The following SMARCAL1 variants were observed in gnomAD, a reference collection of about 807,000 sequenced individuals.
The protein encoded by SMARCAL1 is ATP-driven annealing helicase.
A neutral mutation model predicts 94.5 loss-of-function variants in SMARCAL1; 58 were observed. That is an observed-to-expected ratio of 0.61 (90% CI 0.50 to 0.76). The LOEUF is 0.76. Ranked by LOEUF, SMARCAL1 falls within the 30% of genes least tolerant of loss-of-function variation. SMARCAL1 has a pLI of 0.00. For synonymous variants in SMARCAL1, 422 were observed against 455.1 expected, an observed-to-expected ratio of 0.93 and a Z score of 0.93; for missense variants, 1,051 against 1,177.9, an observed-to-expected ratio of 0.89 and a Z score of 1.58.
intron 13 of SMARCAL1, among the ~76,000 whole-genome samples, chr2:216,467,734 C>T (rs1694860004): frequency 6.6e-6 from 1 of 152,070 alleles, no homozygotes; most frequent in Non-Finnish European, 1.5e-5. Flanking sequence ...GTCATTAATT[C>T]CTTAGTCCCC....
intron 13 of SMARCAL1, among the ~76,000 whole-genome samples, chr2:216,467,239 G>C (rs1418213461): frequency 1.3e-5 from 2 of 152,158 alleles, no homozygotes; most frequent in African/African-American, 4.8e-5. Flanking sequence ...GGGAGGCCAA[G>C]GTGGGCAAAT....
chr2:216,471,836 A>T (rs1214858161), intron 14 of SMARCAL1, among the ~76,000 whole-genome samples: 2 of 152,352 alleles, frequency 1.3e-5, no homozygotes, highest in South Asian at 2.1e-4. Context: ...CAATAATTAA[A>T]AATCTAAGTT....
At chr2:216,433,314 G>A (rs927950747) in intron 8 of SMARCAL1, among the ~76,000 whole-genome samples, 4 of 152,012 alleles carry the variant, frequency 2.6e-5, no homozygotes, top group Non-Finnish European at 4.4e-5. Context: ...AAACTCCTGG[G>A]TTCAAGTGAT....
chr2:216,415,339 A>C lies in SMARCAL1; in HGVS notation c.635A>C (p.Glu212Ala), dbSNP rs765946032. Residue 212 changes from glutamate to alanine, a missense_variant, in exon 3 of 18, where the codon GAG becomes GCG. Transcript: ENST00000357276. ...QNISYIHSSS[E>A]SVTPRTEGRL... ...ATTTCTTACATCCATTCTAGCTCAG[A>C]GAGTGTAACGCCCAGGACAGAAGGA... is the stretch of plus-strand genomic sequence containing the variant. The C allele has an allele frequency of 6.2e-7, 1 of 1,614,268 alleles. No individual in the cohort carries two copies. The highest frequency in any genetic ancestry group is 8.5e-7 in the Non-Finnish European group (1 of 1,180,052).
chr2:216,473,443 T>C (rs2106083780), intron 14 of SMARCAL1, among the ~76,000 whole-genome samples: 1 of 152,094 alleles, frequency 6.6e-6, no homozygotes, highest in South Asian at 2.1e-4. Context: ...CATCCCATTG[T>C]ACATCATCTG....
At chr2:216,470,716 G>C (rs1319769739) in intron 14 of SMARCAL1, among the ~76,000 whole-genome samples, 4 of 151,658 alleles carry the variant, frequency 2.6e-5, no homozygotes, top group Non-Finnish European at 5.9e-5. Context: ...CTAGAACTGG[G>C]CTCAAGCAAT....
Position 216,482,603 on chromosome 2 carries a change from C to A in SMARCAL1, c.2626-135C>A. 1.6e-6 allele frequency: 2 copies of A among 1,238,496 alleles called. No individual in the cohort carries two copies. Among genetic ancestry groups the A allele is most frequent in the East Asian group, 2.3e-5 (1 of 43,120 alleles). 76.7% of individuals were successfully genotyped at this position (1,238,496 alleles called of 1,614,324 possible). A position where few individuals can be genotyped will look rare whatever the true frequency, so the allele number is the denominator to read the frequency against. ...GGTTTGCTGAGATGATGCACACTTGCCATCGTGTAGCTCCCTGACACCATG... is the reference window on the plus strand; with the variant it reads ...GGTTTGCTGAGATGATGCACACTTGACATCGTGTAGCTCCCTGACACCATG... On this transcript the variant is annotated intron_variant, in intron 17 of 17. Transcript: ENST00000357276. This position sits in a 1 kb window ranked among gnomAD's most constrained non-coding sequence, Gnocchi z 4.3.
chr2:216,420,663 C>T (rs1029310876), intron 5 of SMARCAL1, 131 bp downstream of exon 5: 5 of 751,118 alleles, frequency 6.7e-6, no homozygotes, highest in Non-Finnish European at 1.2e-5. Context: ...GCTCCTCTTC[C>T]TATAGAAAGA....
At chr2:216,460,904 A>G (rs1438034161) in intron 12 of SMARCAL1, among the ~76,000 whole-genome samples, 1 of 152,208 alleles carries the variant, frequency 6.6e-6, no homozygotes, top group Non-Finnish European at 1.5e-5. Context: ...AACTGTATGT[A>G]ATATTTTTGG....
chr2:216,480,250 T>C (rs1485698958), intron 17 of SMARCAL1, among the ~76,000 whole-genome samples: 1 of 152,200 alleles, frequency 6.6e-6, no homozygotes, highest in Admixed American at 6.5e-5. Flanking sequence ...GCTGAAAATT[T>C]TATCAACTAC....
chr2:216,439,324 T>TG lies in SMARCAL1; in HGVS notation c.1710+850dup, dbSNP rs3836031. Among the ~76,000 whole-genome samples, 392 of 150,564 alleles carry TG rather than the reference T, an allele frequency of 2.6e-3. 2 individuals carry two copies. The highest frequency in any genetic ancestry group is 0.01 in the Middle Eastern group (3 of 294). On this transcript the variant is annotated intron_variant, in intron 10 of 17. Transcript: ENST00000357276. ...TAGTCCTCCAAATTTCCTTCCATTA[T>TG]GGGGGGGGGGGATGATTTTTTTCCT...
At chr2:216,464,493 C>T (rs139599525) in intron 12 of SMARCAL1, 104 bp from the exon 13 acceptor site, 40 of 872,340 alleles carry the variant, frequency 4.6e-5, no homozygotes, top group East Asian at 3.4e-4. Context: ...ACTCTGGTGA[C>T]GGGTGGTTGA....
At chr2:216,413,091 C>G (rs1357509937) in intron 1 of SMARCAL1, among the ~76,000 whole-genome samples, 1 of 140,108 alleles carries the variant, frequency 7.1e-6, no homozygotes, top group Non-Finnish European at 1.5e-5. Flanking sequence ...TCACCCCTTC[C>G]TAACTGCTAA....
intron 12 of SMARCAL1, among the ~76,000 whole-genome samples, chr2:216,453,195 G>A (rs1274493480): frequency 1.3e-5 from 2 of 152,108 alleles, no homozygotes; most frequent in African/African-American, 4.8e-5. Flanking sequence ...GAAAGAGCCC[G>A]GAGCTCTTCT....
chr2:216,420,574 G>T, intron 5 of SMARCAL1, 42 bp downstream of exon 5: 3 of 1,479,584 alleles, frequency 2.0e-6, no homozygotes, highest in Non-Finnish European at 2.8e-6. Flanking sequence ...ATGTGTAGTG[G>T]TCTGTGATCT....
At position 216,415,458 on chromosome 2, in the gene SMARCAL1, A is replaced by G; in HGVS notation, c.754A>G (p.Ile252Val). 1 of 1,614,158 alleles carries G rather than the reference A, an allele frequency of 6.2e-7. No homozygotes were observed. Among genetic ancestry groups the G allele is most frequent in the Non-Finnish European group, 8.5e-7 (1 of 1,180,036 alleles). ...VRNGDRFQVL[I>V]GYNAELIAVF... is the part of the protein sequence containing the mutation. ...GAACGGCGATCGTTTCCAGGTGTTG[A>G]TTGGGTACAATGCGGAACTCATTGC... is the stretch of plus-strand genomic sequence containing the variant. The change falls in exon 3 of 18, where the codon ATT becomes GTT. Residue 252 changes from isoleucine (I) to valine (V), a missense_variant. Physicochemically the swap from Ile to Val is conservative, Grantham distance 29. This residue lies in a region of SMARCAL1 where 398 missense variants were observed against 395.2 expected (regional missense o/e 1.01). Coordinates refer to ENST00000357276, the MANE Select transcript of SMARCAL1 (RefSeq NM_014140.4).
At chr2:216,452,085 A>G (rs1218133251) in intron 12 of SMARCAL1, among the ~76,000 whole-genome samples, 2 of 152,218 alleles carry the variant, frequency 1.3e-5, no homozygotes, top group Non-Finnish European at 2.9e-5. Flanking sequence ...GCTGTATTGA[A>G]TTTATGCTGT....
chr2:216,415,494 A>G lies in SMARCAL1; in HGVS notation c.790A>G (p.Thr264Ala). The stretch of plus-strand genomic sequence containing the variant: ...TGCGGAACTCATTGCAGTGTTTAAG[A>G]CCCTGCCCAGCAAGAATTATGGTAA... Reference protein sequence around the residue: ...YNAELIAVFKTLPSKNYDPDT... With the variant: ...YNAELIAVFKALPSKNYDPDT... Residue 264 changes from threonine (T) to alanine (A), a missense_variant, in exon 3 of 18, where the codon ACC becomes GCC. Physicochemically the swap from Thr to Ala is moderately conservative, Grantham distance 58. Around this residue, in one of 3 missense-constraint regions of SMARCAL1, gnomAD observed 398 missense variants for 395.2 expected, o/e 1.01. Transcript: ENST00000357276. 5 of 1,612,158 alleles carry G rather than the reference A, an allele frequency of 3.1e-6. No individual in the cohort carries two copies. Among genetic ancestry groups the G allele is most frequent in the Non-Finnish European group, 4.2e-6 (5 of 1,179,520 alleles).
At chr2:216,464,761 C>A in intron 13 of SMARCAL1, 94 bp downstream of exon 13, 1 of 905,438 alleles carries the variant, frequency 1.1e-6, no homozygotes, top group Non-Finnish European at 1.8e-6. Context: ...GATTTTACTG[C>A]GTCTAAGAAA....
Sources: gnomAD v4.1 joint callset for allele counts (sites outside exome capture counted in the v4.1 genomes callset) on GRCh38, gnomAD v4.1.1 for gene constraint, gnomAD v4.1.1 regional missense constraint, Gnocchi (gnomAD v3.1) non-coding constraint, MANE v1.5 for transcripts, NCBI Gene and HGNC (gene_info 2026-07-23, HGNC 2026-07-21) for gene names.